The following DPEP2 variants were observed in gnomAD, a reference collection of about 807,000 sequenced individuals.
DPEP2 encodes the protein dipeptidase 2.
A neutral mutation model predicts 51.8 loss-of-function variants in DPEP2; 45 were observed. The ratio of observed to expected loss-of-function variants is 0.87; its 90% CI spans 0.68 to 1.11. The LOEUF is 1.11. DPEP2 is among the 50% of genes most tolerant of loss of function. DPEP2 has a pLI of 0.00. For synonymous variants in DPEP2, 255 were observed against 262.7 expected, an observed-to-expected ratio of 0.97 and a Z score of 0.28; for missense variants, 604 against 631.9, an observed-to-expected ratio of 0.96 and a Z score of 0.47.
chr16:67,999,019 T>A (rs933098269), intron 1 of DPEP2, among the ~76,000 whole-genome samples: 1 of 152,120 alleles, frequency 6.6e-6, no homozygotes, highest in African/African-American at 2.4e-5. Flanking sequence ...GATAAGAGAA[T>A]AAAAGCAGGC....
intron 7 of DPEP2, 95 bp downstream of exon 7, chr16:67,990,726 A>G: frequency 1.4e-6 from 2 of 1,397,754 alleles, no homozygotes; most frequent in Non-Finnish European, 2.0e-6. Flanking sequence ...AGCCTCCCAA[A>G]GTGCTGGGAT....
intron 1 of DPEP2, chr16:67,995,008 C>G (rs1164890547): frequency 1.0e-4 from 56 of 549,098 alleles, no homozygotes; most frequent in Non-Finnish European, 1.2e-4. Context: ...TCAAGCGATT[C>G]TTGTGCCTTA....
chr16:67,988,504 G>A (rs2031710256), intron 9 of DPEP2, among the ~76,000 whole-genome samples: 1 of 152,046 alleles, frequency 6.6e-6, no homozygotes, highest in African/African-American at 2.4e-5. Context: ...TTGGGAAGCT[G>A]AGGCAGGAGA....
intron 9 of DPEP2, among the ~76,000 whole-genome samples, chr16:67,988,881 C>T (rs1199807615): frequency 1.3e-5 from 2 of 152,052 alleles, no homozygotes; most frequent in Non-Finnish European, 2.9e-5. Flanking sequence ...CACTGCACCC[C>T]AGTCTGGCCA....
chr16:67,988,537 A>G (rs2031713881), intron 9 of DPEP2, among the ~76,000 whole-genome samples: 1 of 151,596 alleles, frequency 6.6e-6, no homozygotes, highest in Admixed American at 6.6e-5. Flanking sequence ...CAGGAAGCAG[A>G]GGTTGCAGTG....
At chr16:67,994,852 C>G (rs537638632) in intron 1 of DPEP2, 4 of 985,260 alleles carry the variant, frequency 4.1e-6, no homozygotes, top group Non-Finnish European at 4.8e-6. Flanking sequence ...GATCGATGGC[C>G]GAGTGCTCGA....
At chr16:67,994,019 C>T in intron 1 of DPEP2, 1 of 985,472 alleles carries the variant, frequency 1.0e-6, no homozygotes, top group African/African-American at 1.7e-5. Flanking sequence ...CCCCAGGACC[C>T]CAGTGGAGGG....
At chr16:67,993,792 G>A in intron 1 of DPEP2, 2 of 985,772 alleles carry the variant, frequency 2.0e-6, no homozygotes, top group Non-Finnish European at 2.4e-6. Context: ...GAGAAGATAG[G>A]CTCTGGAAAT....
chr16:67,989,985 G>A, intron 8 of DPEP2, 62 bp downstream of exon 8: 1 of 1,567,506 alleles, frequency 6.4e-7, no homozygotes. Context: ...ACAGTCCTGG[G>A]GCCCTCCCAA....
intron 1 of DPEP2, among the ~76,000 whole-genome samples, chr16:67,995,969 G>A (rs1047392587): frequency 1.3e-5 from 2 of 149,188 alleles, no homozygotes; most frequent in African/African-American, 2.5e-5. Context: ...GTCTCCCCCC[G>A]CCAAACAACA....
chr16:67,992,610 C>T lies in DPEP2; in HGVS notation c.290G>A (p.Arg97Lys), dbSNP rs768551952. The T allele has an allele frequency of 2.5e-6, 4 of 1,614,058 alleles. No homozygotes were observed. The highest frequency in any genetic ancestry group is 3.4e-6 in the Non-Finnish European group (4 of 1,179,942). ...DGHNDLPLVLRQVYQKGLQDV... is the reference protein window; with the variant it reads ...DGHNDLPLVLKQVYQKGLQDV... ...CTGTAGCCCTTTCTGGTAAACCTGC[C>T]TTAGGACCAGGGGCAGGTCGTTGTG... Residue 97 changes from arginine to lysine, a missense_variant, in exon 3 of 11, where the codon AGG becomes AAG. Physicochemically the swap from Arg to Lys is conservative, Grantham distance 26. Coordinates refer to ENST00000393847, the MANE Select transcript of DPEP2 (RefSeq NM_022355.4).
In DPEP2 at chr16:67,990,986, T is replaced by A; in HGVS notation, c.744A>T (p.Ala248=). The A allele has an allele frequency of 6.2e-7, 1 of 1,614,058 alleles. No homozygotes were observed. The highest frequency in any genetic ancestry group is 8.5e-7 in the Non-Finnish European group (1 of 1,179,878). ...GLTDFGEKVV[A]EMNRLGMMVD... Reference sequence around the variant, plus strand: ...CCATCATGCCCAGGCGGTTCATTTCTGCCACCACCTTCTGCAGGGACATGT... The same window carrying A: ...CCATCATGCCCAGGCGGTTCATTTCAGCCACCACCTTCTGCAGGGACATGT... Residue 248 remains alanine (A), a synonymous_variant, in exon 7 of 11, where the codon GCA becomes GCT. Coordinates refer to ENST00000393847, the MANE Select transcript of DPEP2 (RefSeq NM_022355.4).
At chr16:68,000,503 TG>T (rs1215125682), upstream of DPEP2, 47 of 985,158 alleles carry the variant, frequency 4.8e-5, no homozygotes, top group Non-Finnish European at 5.5e-5. Context: ...CCTCTGGTCC[TG>T]GAGACTCATG....
rs776534967 is a variant in DPEP2, at chr16:67,987,715, G to C, written c.1252C>G (p.Pro418Ala). ...KWQSPLEDKF[P>A]DEQLSSSCHS... Reference sequence around the variant, plus strand: ...CAGGAACTGCTCAGCTGCTCATCCGGGAACTTGTCCTCCAAGGGGCTTTGC... The same window carrying C: ...CAGGAACTGCTCAGCTGCTCATCCGCGAACTTGTCCTCCAAGGGGCTTTGC... Residue 418 changes from proline to alanine, a missense_variant, in exon 11 of 11, where the codon CCG becomes GCG. Pro to Ala is a conservative substitution (Grantham distance 27). Coordinates refer to ENST00000393847, the MANE Select transcript of DPEP2 (RefSeq NM_022355.4). The C allele has an allele frequency of 6.2e-7, 1 of 1,614,128 alleles. No individual in the cohort carries two copies.
At chr16:67,995,767 C>T (rs903546209) in intron 1 of DPEP2, among the ~76,000 whole-genome samples, 1 of 152,056 alleles carries the variant, frequency 6.6e-6, no homozygotes, top group African/African-American at 2.4e-5. Flanking sequence ...AGTTCGAGAC[C>T]AGCTTGGCCA....
In DPEP2 at chr16:67,993,035, G is replaced by A. The variant is rs2032377503; in HGVS notation, c.178C>T (p.Pro60Ser). ...CTGGGACTACTGAGTGTGGTCGAGG[G>A]AGCGTAGGTGCCCGGCATGGTGTGG... Reference protein sequence around the residue: ...RAHTMPGTYAPSTTLSSPSTQ... With the variant: ...RAHTMPGTYASSTTLSSPSTQ... The change falls in exon 2 of 11, where the codon CCC becomes TCC. Residue 60 changes from proline (P) to serine (S), a missense_variant. By Grantham distance (74) the Pro-to-Ser change is moderately conservative. Transcript: ENST00000393847. 1 of 1,587,960 alleles carries A rather than the reference G, an allele frequency of 6.3e-7. No individual in the cohort carries two copies. The highest frequency in any genetic ancestry group is 1.8e-5 in the Admixed American group (1 of 56,376).
Position 67,987,512 on chromosome 16 carries a change from C to T in DPEP2, c.1455G>A (p.Trp485Ter), listed in dbSNP as rs866029507. 1 of 1,607,312 alleles carries T rather than the reference C, an allele frequency of 6.2e-7. No individual in the cohort carries two copies. The highest frequency in any genetic ancestry group is 1.3e-5 in the African/African-American group (1 of 74,928). Residue 485 changes from tryptophan to a stop codon, truncating the protein, a stop_gained, in exon 11 of 11, where the codon TGG becomes TGA. Coordinates refer to ENST00000393847, the MANE Select transcript of DPEP2 (RefSeq NM_022355.4). LOFTEE classifies it high-confidence loss of function. Reference sequence around the variant, plus strand: ...GGCAGGACTAACTGGGTCATCAGAGCCACAGAATAAGGACTGGGAAGGTGG... The same window carrying T: ...GGCAGGACTAACTGGGTCATCAGAGTCACAGAATAAGGACTGGGAAGGTGG... ...VVATFPVLIL[W>*]L
upstream of DPEP2, among the ~76,000 whole-genome samples, chr16:68,000,148 T>A (rs570255337): frequency 6.6e-6 from 1 of 152,250 alleles, no homozygotes; most frequent in South Asian, 2.1e-4. Flanking sequence ...TTGGTAGGGC[T>A]GTTGAGGCAA....
intron 1 of DPEP2, chr16:67,993,518 C>T: frequency 8.8e-7 from 1 of 1,140,124 alleles, no homozygotes; most frequent in Non-Finnish European, 1.1e-6. Context: ...CCTCCACCCT[C>T]CCTTTTACTC....
Sources: gnomAD v4.1 joint callset for allele counts (sites outside exome capture counted in the v4.1 genomes callset) on GRCh38, gnomAD v4.1.1 for gene constraint, MANE v1.5 for transcripts, NCBI Gene and HGNC (gene_info 2026-07-23, HGNC 2026-07-21) for gene names.